MTREX: variants seen among roughly 807,000 people sequenced by gnomAD.
MTREX encodes the protein Mtr4 exosome RNA helicase.
MTREX carries 76 observed loss-of-function variants against 135.4 expected under a neutral mutation model. The ratio of observed to expected loss-of-function variants is 0.56; its 90% confidence interval spans 0.47 to 0.68. The LOEUF is 0.68. Among genes scored for constraint, MTREX ranks in the 30% least tolerant of loss-of-function variants. The pLI is 0.00. For missense variants in MTREX, 920 were observed against 1,262.1 expected (o/e 0.73, Z 4.11); for synonymous variants, 404 against 401.6 (o/e 1.01, Z -0.07).
intron 5 of MTREX, among the ~76,000 whole-genome samples, chr5:55,331,678 A>T (rs1296388462): frequency 6.6e-6 from 1 of 152,180 alleles, no homozygotes; most frequent in Non-Finnish European, 1.5e-5. Context: ...CTCCTCTGGT[A>T]TTCTGCCCTG....
chr5:55,370,305 T>C (rs1171474146), intron 16 of MTREX, among the ~76,000 whole-genome samples: 1 of 152,224 alleles, frequency 6.6e-6, no homozygotes, highest in African/African-American at 2.4e-5. Context: ...TATCTCTGGC[T>C]GCAGTCCTCA....
At chr5:55,321,009 A>G (rs1414920093) in intron 1 of MTREX, among the ~76,000 whole-genome samples, 5 of 152,212 alleles carry the variant, frequency 3.3e-5, no homozygotes, top group African/African-American at 9.6e-5. Context: ...GATTTGGAAA[A>G]ATATAAAAAC....
In MTREX at chr5:55,360,066, C is replaced by T. The variant is rs376889784; in HGVS notation, c.1659+1368C>T. Among the ~76,000 whole-genome samples, 9 of 152,250 alleles carry T rather than the reference C, an allele frequency of 5.9e-5. No individual in the cohort carries two copies. The South Asian group carries it at 1.9e-3, about 32-fold the overall frequency. ...TTTTCATCAATCCAAAAAGAAACCC[C>T]TGTACCTATTAACAGTCACTCTTCT... On this transcript the variant is annotated intron_variant, in intron 15 of 26. Transcript: ENST00000230640.
chr5:55,328,938 G>A (rs1030121525), intron 5 of MTREX, 127 bp downstream of exon 5: 2 of 546,776 alleles, frequency 3.7e-6, no homozygotes, highest in African/African-American at 1.9e-5. Context: ...TCTTTTTCAT[G>A]TCTTATTGAA....
At chr5:55,387,868 A>C in intron 18 of MTREX, 106 bp from the exon 19 acceptor site, 1 of 1,064,122 alleles carries the variant, frequency 9.4e-7, no homozygotes, top group Non-Finnish European at 1.3e-6. Flanking sequence ...AGTTTGTGTC[A>C]GTCATAATGC....
At chr5:55,308,805 A>G (rs1262977765) in intron 1 of MTREX, among the ~76,000 whole-genome samples, 1 of 152,260 alleles carries the variant, frequency 6.6e-6, no homozygotes, top group East Asian at 1.9e-4. Flanking sequence ...ATCTGTTTAT[A>G]GTAGAACAAG....
At chr5:55,359,943 T>C (rs535810197) in intron 15 of MTREX, among the ~76,000 whole-genome samples, 3 of 152,336 alleles carry the variant, frequency 2.0e-5, no homozygotes, top group Non-Finnish European at 2.9e-5. Context: ...AATAGACTTA[T>C]TGAGCTATAA....
chr5:55,331,394 G>A (rs1427195584), intron 5 of MTREX, among the ~76,000 whole-genome samples: 1 of 152,050 alleles, frequency 6.6e-6, no homozygotes, highest in Non-Finnish European at 1.5e-5. Flanking sequence ...ACTTTTTTAG[G>A]CACGACCAGA....
intron 15 of MTREX, among the ~76,000 whole-genome samples, chr5:55,361,281 C>T (rs2112080885): frequency 6.6e-6 from 1 of 152,210 alleles, no homozygotes; most frequent in East Asian, 1.9e-4. Context: ...TCATAGTCAC[C>T]TTATATGTAG....
chr5:55,375,088 A>G (rs1378248109), intron 16 of MTREX, among the ~76,000 whole-genome samples: 1 of 152,220 alleles, frequency 6.6e-6, no homozygotes, highest in African/African-American at 2.4e-5. Context: ...CAAGTACTTT[A>G]CAAGGTAATA....
rs1163175776 is a variant in MTREX at position 55,424,880 on chromosome 5, G to GTAT, written c.*112_*114dup. ...TTGGTTCTCCCATACATTTTAATATGTATTATATTTAAATCAAACATCATT... is the reference window on the plus strand; with the variant it reads ...TTGGTTCTCCCATACATTTTAATATGTATTATTATATTTAAATCAAACATCATT... On this transcript the variant is annotated 3_prime_UTR_variant, in exon 27 of 27. Coordinates refer to ENST00000230640, the MANE Select transcript of MTREX (RefSeq NM_015360.5). The GTAT allele has an allele frequency of 1.3e-6, 1 of 744,390 alleles. No individual in the cohort carries two copies. The highest frequency in any genetic ancestry group is 2.3e-6 in the Non-Finnish European group (1 of 440,824). 46.1% of individuals were successfully genotyped at this position (744,390 alleles called of 1,614,324 possible).
At chr5:55,424,586 C>T (rs1751118292) in intron 26 of MTREX, 134 bp from the exon 27 acceptor site, 1 of 620,738 alleles carries the variant, frequency 1.6e-6, no homozygotes, top group South Asian at 2.0e-5. Context: ...AGGTGTTCAG[C>T]AAGGTGTTTG....
In MTREX at chr5:55,340,021, C is replaced by A; in HGVS notation, c.527C>A (p.Ala176Glu). The A allele has an allele frequency of 6.5e-7, 1 of 1,535,220 alleles. No individual in the cohort carries two copies. The highest frequency in any genetic ancestry group is 2.0e-5 in the Admixed American group (1 of 49,494). ...GKTVCAEYAI[A>E]LALREKQRVI... Reference sequence around the variant, plus strand: ...TTTCACATTTGTAGGTATGCCATTGCATTGGCCTTAAGGGAAAAGCAGCGT... The same window carrying A: ...TTTCACATTTGTAGGTATGCCATTGAATTGGCCTTAAGGGAAAAGCAGCGT... The change falls in exon 6 of 27, where the codon GCA becomes GAA. Residue 176 changes from alanine to glutamate, a missense_variant. Ala to Glu is a moderately radical substitution (Grantham distance 107). Around this residue, in one of 6 missense-constraint regions of MTREX, gnomAD observed 82 missense variants for 107.4 expected, o/e 0.76. Transcript: ENST00000230640.
At chr5:55,351,610 A>G (rs913579153) in intron 13 of MTREX, among the ~76,000 whole-genome samples, 1 of 152,202 alleles carries the variant, frequency 6.6e-6, no homozygotes, top group African/African-American at 2.4e-5. Flanking sequence ...TTTAATTACT[A>G]AACCCGGGGT....
rs543884243 is a variant in MTREX, at chr5:55,312,047, T to A, written c.134+3900T>A. Reference sequence around the variant, plus strand: ...AAGATTGACAAGTTGGCGAAAATAGTATCACCCTGATTCCTCATCAACCTT... The same window carrying A: ...AAGATTGACAAGTTGGCGAAAATAGAATCACCCTGATTCCTCATCAACCTT... On this transcript the variant is annotated intron_variant, in intron 1 of 26. Coordinates refer to ENST00000230640, the MANE Select transcript of MTREX (RefSeq NM_015360.5). 3.3e-5 allele frequency among the ~76,000 whole-genome samples: 5 copies of A among 152,314 alleles called. No individual in the cohort carries two copies. The East Asian group carries it at 9.6e-4, about 29-fold the overall frequency.
chr5:55,370,890 G>A, intron 16 of MTREX, among the ~76,000 whole-genome samples: 1 of 152,124 alleles, frequency 6.6e-6, no homozygotes. Context: ...GTGGGCTATT[G>A]TCTTTGGAAG....
chr5:55,335,503 G>T (rs1237702820), intron 5 of MTREX, among the ~76,000 whole-genome samples: 2 of 151,916 alleles, frequency 1.3e-5, no homozygotes, highest in African/African-American at 2.4e-5. Context: ...GTGAGGAAAG[G>T]GTCTAAATTT....
chr5:55,364,111 T>C (rs769844476), intron 15 of MTREX, among the ~76,000 whole-genome samples: 4 of 152,136 alleles, frequency 2.6e-5, no homozygotes, highest in Non-Finnish European at 5.9e-5. Context: ...GAGTGGGGGT[T>C]ACGTTTTAAT....
intron 6 of MTREX, 39 bp downstream of exon 6, chr5:55,340,223 A>T: frequency 7.0e-7 from 1 of 1,435,948 alleles, no homozygotes; most frequent in Non-Finnish European, 9.3e-7. Context: ...TTCGTTTTTA[A>T]TTAAATTAAT....
Sources: allele counts gnomAD v4.1 joint callset (sites outside exome capture counted in the v4.1 genomes callset), GRCh38; gene constraint gnomAD v4.1.1; regional missense constraint gnomAD v4.1.1; transcripts MANE v1.5; gene names NCBI Gene and HGNC (gene_info 2026-07-23, HGNC 2026-07-21).